Variants in FAAH2 observed in about 807,000 individuals in gnomAD.
FAAH2 encodes the protein fatty acid amide hydrolase 2.
A neutral mutation model predicts 36.9 loss-of-function variants in FAAH2; 60 were observed. The ratio of observed to expected loss-of-function variants is 1.63; its 90% CI spans 1.32 to 2.02. FAAH2 has a LOEUF of 2.02. Ranked by LOEUF, FAAH2 falls within the 30% of genes most tolerant of loss-of-function variation. The probability of loss-of-function intolerance (pLI) is 0.00; values close to 1 mark genes in which losing one functional copy is unlikely to be tolerated. For missense variants in FAAH2, 689 were observed against 397.5 expected, an observed-to-expected ratio of 1.73 and a Z score of -6.23; for synonymous variants, 214 against 143.8, an observed-to-expected ratio of 1.49 and a Z score of -3.49.
chrX:57,476,807 G>T (rs962331976), intron 10 of FAAH2, among the ~76,000 whole-genome samples: 2 of 109,646 alleles, frequency 1.8e-5, no homozygotes, highest in Non-Finnish European at 3.8e-5. Context: ...CTGTGAATCT[G>T]TCTGGTCCTG....
chrX:57,171,013 A>G, the FAAH2 span, among the ~76,000 whole-genome samples: 6 of 111,199 alleles, frequency 5.4e-5, no homozygotes, highest in Admixed American at 9.6e-5. Flanking sequence ...ACCGGCCTGT[A>G]TTTATTTTTT....
At chrX:57,268,715 A>C in the FAAH2 span, among the ~76,000 whole-genome samples, 2 of 111,747 alleles carry the variant, frequency 1.8e-5, no homozygotes, top group Non-Finnish European at 1.9e-5. Flanking sequence ...TAAGGAAAAG[A>C]AATTCCAACT....
the FAAH2 span, among the ~76,000 whole-genome samples, chrX:57,188,728 G>A: frequency 1.8e-5 from 2 of 111,319 alleles, no homozygotes; most frequent in East Asian, 2.8e-4. Flanking sequence ...TGCTTTAGCT[G>A]TGTCCCAGAG....
intron 2 of FAAH2, among the ~76,000 whole-genome samples, chrX:57,302,790 T>C (rs2146853677): frequency 9.0e-6 from 1 of 111,148 alleles, no homozygotes; most frequent in Non-Finnish European, 1.9e-5. Flanking sequence ...TCAACCCACA[T>C]TGGCCAGCCT....
intron 7 of FAAH2, among the ~76,000 whole-genome samples, chrX:57,396,943 C>T (rs1337139074): frequency 9.0e-6 from 1 of 111,290 alleles, no homozygotes; most frequent in Non-Finnish European, 1.9e-5. Context: ...TTTACGTTTC[C>T]CACTATTTTT....
At chrX:57,264,485 C>T in the FAAH2 span, among the ~76,000 whole-genome samples, 1 of 112,303 alleles carries the variant, frequency 8.9e-6, no homozygotes, top group Non-Finnish European at 1.9e-5. Flanking sequence ...CAATGAGATA[C>T]CATGTTGCAT....
chrX:57,477,097 A>T (rs2057285244), intron 10 of FAAH2, among the ~76,000 whole-genome samples: 1 of 109,213 alleles, frequency 9.2e-6, no homozygotes, highest in Admixed American at 9.8e-5. Flanking sequence ...TATTTTTTTC[A>T]TTATTAGTCT....
At chrX:57,429,722 A>G (rs1602635286) in intron 7 of FAAH2, among the ~76,000 whole-genome samples, 1 of 112,283 alleles carries the variant, frequency 8.9e-6, no homozygotes, top group East Asian at 2.8e-4. Flanking sequence ...AAGGATATCT[A>G]CACTCATGTG....
At chrX:57,149,671 G>A in the FAAH2 span, among the ~76,000 whole-genome samples, 1 of 110,524 alleles carries the variant, frequency 9.0e-6, no homozygotes, top group Non-Finnish European at 1.9e-5. Flanking sequence ...AGTCTTGCTA[G>A]CGGTCTATCA....
chrX:57,140,860 C>T, the FAAH2 span, among the ~76,000 whole-genome samples: 1 of 111,435 alleles, frequency 9.0e-6, no homozygotes, highest in Admixed American at 9.5e-5. Flanking sequence ...GATTGAAAAA[C>T]TGCCTATCGA....
intron 10 of FAAH2, among the ~76,000 whole-genome samples, chrX:57,450,475 C>T (rs979862897): frequency 2.7e-5 from 3 of 111,738 alleles, no homozygotes; most frequent in Non-Finnish European, 5.6e-5. Context: ...ATTTTCACTA[C>T]ATGTATGGGT....
In FAAH2 at chrX:57,432,002, A is replaced by T. The variant is rs1276356691; in HGVS notation, c.1081A>T (p.Ile361Phe). 1.7e-5 allele frequency: 20 copies of T among 1,203,882 alleles called. No homozygotes were observed. Among genetic ancestry groups the T allele is most frequent in the African/African-American group, 8.9e-5 (5 of 56,490 alleles). The stretch of plus-strand genomic sequence containing the variant: ...AATGAAGTACTCTTTTCAGTTGTGG[A>T]TCGCAATGATGTCAGCAAAGGGACA... The part of the protein sequence containing the change: ...KKMKYSFQLW[I>F]AMMSAKGHDG... Residue 361 changes from isoleucine to phenylalanine, a missense_variant, in exon 8 of 11, where the codon ATC becomes TTC. Coordinates refer to ENST00000374900, the MANE Select transcript of FAAH2 (RefSeq NM_174912.4).
the FAAH2 span, among the ~76,000 whole-genome samples, chrX:57,216,680 G>A: frequency 2.9e-5 from 2 of 70,041 alleles, no homozygotes; most frequent in African/African-American, 4.1e-5. Context: ...TGATTGATGG[G>A]CATTTGGGTT....
At chrX:57,434,206 G>T (rs1462607850) in intron 8 of FAAH2, among the ~76,000 whole-genome samples, 1 of 106,716 alleles carries the variant, frequency 9.4e-6, no homozygotes, top group East Asian at 2.9e-4. Context: ...CTCCTGAATA[G>T]CTGGGGCTAC....
upstream of FAAH2, among the ~76,000 whole-genome samples, chrX:57,285,716 G>T: frequency 8.9e-6 from 1 of 111,749 alleles, no homozygotes; most frequent in East Asian, 2.8e-4. Flanking sequence ...AAGGGGTTAG[G>T]GATGAAGCAT....
the FAAH2 span, among the ~76,000 whole-genome samples, chrX:57,154,534 A>G: frequency 3.6e-5 from 4 of 109,671 alleles, no homozygotes; most frequent in African/African-American, 1.0e-4. Flanking sequence ...TGGCCTCCCA[A>G]AGTGTTGGGA....
intron 8 of FAAH2, among the ~76,000 whole-genome samples, chrX:57,442,643 T>A (rs904762107): frequency 8.9e-6 from 1 of 111,990 alleles, no homozygotes. Flanking sequence ...TCAATTTGAT[T>A]CTGTCATTAT....
intron 7 of FAAH2, among the ~76,000 whole-genome samples, chrX:57,415,529 G>A (rs1014271227): frequency 8.9e-6 from 1 of 111,790 alleles, no homozygotes; most frequent in Non-Finnish European, 1.9e-5. Context: ...ATGTACTTTT[G>A]CAGTTTTGAG....
chrX:57,444,311 G>A lies in FAAH2; in HGVS notation c.1117-2617G>A, dbSNP rs1569350263. On this transcript the variant is annotated intron_variant, in intron 8 of 10. Transcript: ENST00000374900. ...ACCTAGTCAAGCCTCAGCAATGGCG[G>A]ATGCCCCTCCCCCAGCCTCGCTGCC... Among the ~76,000 whole-genome samples the A allele has an allele frequency of 2.7e-5, 3 of 112,104 alleles. No homozygotes were observed. In the Admixed American group the frequency reaches 2.8e-4, roughly 11 times the overall value.
Sources: gnomAD v4.1 joint callset for allele counts (sites outside exome capture counted in the v4.1 genomes callset) on GRCh38, gnomAD v4.1.1 for gene constraint, MANE v1.5 for transcripts, NCBI Gene and HGNC (gene_info 2026-07-23, HGNC 2026-07-21) for gene names.